Variants in GAL3ST3 observed in about 807,000 individuals in gnomAD.
GAL3ST3 encodes the protein galactose-3-O-sulfotransferase 3.
Under a neutral mutation model 20.8 loss-of-function variants are expected in GAL3ST3, and 21 were observed. The observed-to-expected ratio is 1.01, with a 90% CI of 0.72 to 1.45. The LOEUF (loss-of-function observed/expected upper bound fraction) is 1.45, where lower values mean the gene tolerates loss of function less well. GAL3ST3 is among the 40% of genes most tolerant of loss of function. The probability of loss-of-function intolerance (pLI) is 0.00; values close to 1 mark genes in which losing one functional copy is unlikely to be tolerated. For synonymous variants in GAL3ST3, 355 were observed against 307.2 expected (o/e 1.16, Z -1.63); for missense variants, 739 against 662.7 (o/e 1.12, Z -1.26).
rs753342146 is a variant in GAL3ST3 at position 66,045,363 on chromosome 11, C to T, written c.53G>A (p.Arg18Gln). The T allele has an allele frequency of 3.7e-6, 6 of 1,607,350 alleles. No homozygotes were observed. The highest frequency in any genetic ancestry group is 1.1e-5 in the South Asian group (1 of 90,084). ...CCCTAGCACCAGCAGCAGGATTTTC[C>T]GGCGGCTCATCATCTTGGTGGCCTG... ...LQQATKMMSR[R>Q]KILLLVLGCS... Residue 18 changes from arginine (R) to glutamine (Q), a missense_variant, in exon 2 of 3, where the codon CGG (arginine) becomes CAG (glutamine). Physicochemically the swap from Arg to Gln is conservative, Grantham distance 43. Coordinates refer to ENST00000312006, the MANE Select transcript of GAL3ST3 (RefSeq NM_033036.3).
In GAL3ST3 at chr11:66,042,767, C is replaced by T. The variant is rs2135017941; in HGVS notation, c.1036G>A (p.Ala346Thr). The change falls in exon 3 of 3, where the codon GCG becomes ACG. Residue 346 changes from alanine to threonine, a missense_variant. By Grantham distance (58) the Ala-to-Thr change is moderately conservative. Transcript: ENST00000312006. ...TGCAGCTGCTTGGTGCGGATCTGCG[C>T]GGCAGGCCGCAGCAGTGGCTCGTCC... ...FGDEPLLRPAAQIRTKQLQPW... is the reference protein window; with the variant it reads ...FGDEPLLRPATQIRTKQLQPW... 2 of 1,519,690 alleles carry T rather than the reference C, an allele frequency of 1.3e-6. No individual in the cohort carries two copies. The highest frequency in any genetic ancestry group is 1.2e-5 in the South Asian group (1 of 82,090). The allele number at this position is 1,519,690 out of a possible 1,614,324, so 94.1% of individuals were successfully genotyped here. A position where few individuals can be genotyped will look rare whatever the true frequency, so the allele number is the denominator to read the frequency against.
intron 1 of GAL3ST3, among the ~76,000 whole-genome samples, chr11:66,048,297 C>T (rs1856802675): frequency 6.6e-6 from 1 of 152,196 alleles, no homozygotes; most frequent in Non-Finnish European, 1.5e-5. Context: ...TAGCTTTTCT[C>T]CAGGGAACCA....
Position 66,043,421 on chromosome 11 carries a change from T to C in GAL3ST3, c.382A>G (p.Ser128Gly). The C allele has an allele frequency of 6.2e-7, 1 of 1,609,672 alleles. No homozygotes were observed. Among genetic ancestry groups the C allele is most frequent in the Non-Finnish European group, 8.5e-7 (1 of 1,178,302 alleles). ...TCCGCACGGTCGAAGCGCAGGTGGCTGGCCAGCACGTGCGGCGGCCGCGTG... is the reference window on the plus strand; with the variant it reads ...TCCGCACGGTCGAAGCGCAGGTGGCCGGCCAGCACGTGCGGCGGCCGCGTG... ...PATRPPHVLA[S>G]HLRFDRAELE... Residue 128 changes from serine to glycine, a missense_variant, in exon 3 of 3, where the codon AGC becomes GGC. By Grantham distance (56) the Ser-to-Gly change is moderately conservative. Coordinates refer to ENST00000312006, the MANE Select transcript of GAL3ST3 (RefSeq NM_033036.3).
rs143437851 is a variant in GAL3ST3, at chr11:66,041,219, C to T, written c.*1288G>A. ...TTCAGTTCCCTCACCTGGAAAACGG[C>T]ACCCATCTCCAAAGTTAACATACAT... On this transcript the variant is annotated 3_prime_UTR_variant, in exon 3 of 3. Transcript: ENST00000312006. Among the ~76,000 whole-genome samples, 533 of 152,298 alleles carry T rather than the reference C, an allele frequency of 3.5e-3. 4 individuals carry two copies. The highest frequency in any genetic ancestry group is 0.012 in the African/African-American group (500 of 41,564).
intron 2 of GAL3ST3, among the ~76,000 whole-genome samples, chr11:66,044,343 T>C (rs904593120): frequency 2.6e-5 from 4 of 152,192 alleles, no homozygotes; most frequent in African/African-American, 9.7e-5. Flanking sequence ...TTTAAGATAA[T>C]TTGTTTATGT....
intron 1 of GAL3ST3, among the ~76,000 whole-genome samples, chr11:66,047,566 A>G (rs1471690894): frequency 6.6e-6 from 1 of 152,176 alleles, no homozygotes; most frequent in Non-Finnish European, 1.5e-5. Flanking sequence ...GACAGGGGAC[A>G]GGGCATCCTC....
chr11:66,044,253 C>T (rs1045137579), intron 2 of GAL3ST3, among the ~76,000 whole-genome samples: 4 of 152,182 alleles, frequency 2.6e-5, no homozygotes, highest in Non-Finnish European at 5.9e-5. Context: ...CATGAAAGAC[C>T]TTGGTCCAGA....
Position 66,043,467 on chromosome 11 carries a change from C to T in GAL3ST3, c.336G>A (p.Ser112=), listed in dbSNP as rs761442206. Reference sequence around the variant, plus strand: ...GCGTGGCCGGGTGCACGAAGTGCGCCGAGAAGTTGCGGGGGTAGCAGAACT... The same window carrying T: ...GCGTGGCCGGGTGCACGAAGTGCGCTGAGAAGTTGCGGGGGTAGCAGAACT... ...EHQFCYPRNF[S]AHFVHPATRP... Residue 112 remains serine, a synonymous_variant, in exon 3 of 3, where the codon TCG becomes TCA. Transcript: ENST00000312006. 9.3e-6 allele frequency: 15 copies of T among 1,609,862 alleles called. No homozygotes were observed. In the Admixed American group the frequency reaches 2.0e-4, roughly 22 times the overall value.
chr11:66,043,184 A>G lies in GAL3ST3; in HGVS notation c.619T>C (p.Tyr207His). The G allele has an allele frequency of 5.0e-6, 8 of 1,612,146 alleles. No homozygotes were observed. The highest frequency in any genetic ancestry group is 6.8e-6 in the Non-Finnish European group (8 of 1,179,432). Reference sequence around the variant, plus strand: ...CGCTCATTGTCGCCGCCCAGGTCGTAGGCCAGCGTGTTGTGTGCGAACATG... The same window carrying G: ...CGCTCATTGTCGCCGCCCAGGTCGTGGGCCAGCGTGTTGTGTGCGAACATG... Reference protein sequence around the residue: ...FAMFAHNTLAYDLGGDNERSP... With the variant: ...FAMFAHNTLAHDLGGDNERSP... The change falls in exon 3 of 3, where the codon TAC becomes CAC. Residue 207 changes from tyrosine to histidine, a missense_variant. Tyr to His is a moderately conservative substitution (Grantham distance 83). Coordinates refer to ENST00000312006, the MANE Select transcript of GAL3ST3 (RefSeq NM_033036.3).
At position 66,043,040 on chromosome 11, in the gene GAL3ST3, G is replaced by C; in HGVS notation, c.763C>G (p.Leu255Val). The C allele has an allele frequency of 5.0e-6, 8 of 1,610,796 alleles. No individual in the cohort carries two copies. Among genetic ancestry groups the C allele is most frequent in the Middle Eastern group, 3.3e-4 (2 of 6,058 alleles). Residue 255 changes from leucine (L) to valine (V), a missense_variant, in exon 3 of 3, where the codon CTG becomes GTG. Transcript: ENST00000312006. Reference sequence around the variant, plus strand: ...AGCACGTCGTCCAGGTCCCAGGCCAGTAGGCGCCGCAGCAGCACTAGCGAC... The same window carrying C: ...AGCACGTCGTCCAGGTCCCAGGCCACTAGGCGCCGCAGCAGCACTAGCGAC... ...DESLVLLRRL[L>V]AWDLDDVLYA...
rs1012817728 is a variant in GAL3ST3 at position 66,042,759 on chromosome 11, G to A, written c.1044C>T (p.Ile348=). Residue 348 remains isoleucine (I), a synonymous_variant, in exon 3 of 3, where the codon ATC becomes ATT. Transcript: ENST00000312006. ...GCCACGGCTGCAGCTGCTTGGTGCG[G>A]ATCTGCGCGGCAGGCCGCAGCAGTG... ...DEPLLRPAAQ[I]RTKQLQPWQP... 4 of 1,529,376 alleles carry A rather than the reference G, an allele frequency of 2.6e-6. No individual in the cohort carries two copies. In the African/African-American group the frequency reaches 5.5e-5, roughly 21 times the overall value. The allele number at this position is 1,529,376 out of a possible 1,614,324, so 94.7% of individuals were successfully genotyped here.
In GAL3ST3 at chr11:66,041,795, C is replaced by T. The variant is rs914489098; in HGVS notation, c.*712G>A. 1.3e-5 allele frequency among the ~76,000 whole-genome samples: 2 copies of T among 152,190 alleles called. No individual in the cohort carries two copies. The highest frequency in any genetic ancestry group is 2.9e-5 in the Non-Finnish European group (2 of 68,030). On this transcript the variant is annotated 3_prime_UTR_variant, in exon 3 of 3. Coordinates refer to ENST00000312006, the MANE Select transcript of GAL3ST3 (RefSeq NM_033036.3). The stretch of plus-strand genomic sequence containing the variant: ...GGCCAGTCTGTGTTGGGGGCCCAGT[C>T]GGTCAAGCGGTTGAGGAGGGTTGTA...
intron 2 of GAL3ST3, among the ~76,000 whole-genome samples, chr11:66,044,797 C>G (rs1329169367): frequency 6.6e-6 from 1 of 152,210 alleles, no homozygotes; most frequent in African/African-American, 2.4e-5. Flanking sequence ...ACACCATTCT[C>G]AGGGGCAGAC....
chr11:66,042,338 C>T lies in GAL3ST3; in HGVS notation c.*169G>A. On this transcript the variant is annotated 3_prime_UTR_variant, in exon 3 of 3. Coordinates refer to ENST00000312006, the MANE Select transcript of GAL3ST3 (RefSeq NM_033036.3). Reference sequence around the variant, plus strand: ...GCCGTGCCCGAAGGCAAGGTTCAGCCCACGATCGGGAGCGGGGGCTCAGAT... The same window carrying T: ...GCCGTGCCCGAAGGCAAGGTTCAGCTCACGATCGGGAGCGGGGGCTCAGAT... 3.5e-6 allele frequency: 2 copies of T among 573,914 alleles called. No individual in the cohort carries two copies. Among genetic ancestry groups the T allele is most frequent in the Non-Finnish European group, 5.9e-6 (2 of 339,416 alleles). 35.6% of individuals were successfully genotyped at this position (573,914 alleles called of 1,614,324 possible). A position where few individuals can be genotyped will look rare whatever the true frequency, so the allele number is the denominator to read the frequency against.
rs1446900785 is a variant in GAL3ST3, at chr11:66,042,353, G to C, written c.*154C>G. 8.3e-6 allele frequency: 5 copies of C among 602,508 alleles called. No homozygotes were observed. Among genetic ancestry groups the C allele is most frequent in the Non-Finnish European group, 1.1e-5 (4 of 364,344 alleles). 37.3% of individuals were successfully genotyped at this position (602,508 alleles called of 1,614,324 possible). On this transcript the variant is annotated 3_prime_UTR_variant, in exon 3 of 3. Coordinates refer to ENST00000312006, the MANE Select transcript of GAL3ST3 (RefSeq NM_033036.3). The stretch of plus-strand genomic sequence containing the variant: ...AAGGTTCAGCCCACGATCGGGAGCG[G>C]GGGCTCAGATAGGGAGGCGTACCCC...
In GAL3ST3 at chr11:66,043,010, C is replaced by A; in HGVS notation, c.793G>T (p.Ala265Ser). ...CTGGCGGCGCGCGCGTTGAGCTTGG[C>A]GTAGAGCACGTCGTCCAGGTCCCAG... ...LAWDLDDVLYAKLNARAASSR... is the reference protein window; with the variant it reads ...LAWDLDDVLYSKLNARAASSR... The change falls in exon 3 of 3, where the codon GCC becomes TCC. Residue 265 changes from alanine to serine, a missense_variant. Physicochemically the swap from Ala to Ser is moderately conservative, Grantham distance 99 (BLOSUM62 1). Transcript: ENST00000312006. 1 of 1,607,916 alleles carries A rather than the reference C, an allele frequency of 6.2e-7. No homozygotes were observed. The highest frequency in any genetic ancestry group is 8.5e-7 in the Non-Finnish European group (1 of 1,178,474).
At position 66,041,029 on chromosome 11, in the gene GAL3ST3, G is replaced by A. The variant is rs1171794060; in HGVS notation, c.*1478C>T. On this transcript the variant is annotated 3_prime_UTR_variant, in exon 3 of 3. Coordinates refer to ENST00000312006, the MANE Select transcript of GAL3ST3 (RefSeq NM_033036.3). The stretch of plus-strand genomic sequence containing the variant: ...TGGTTCTTCCCTTTACATTCTTTTG[G>A]GGGAAGGTGCTGGGAATCAGCCTAG... 1.3e-5 allele frequency among the ~76,000 whole-genome samples: 2 copies of A among 152,150 alleles called. No individual in the cohort carries two copies. Among genetic ancestry groups the A allele is most frequent in the Non-Finnish European group, 2.9e-5 (2 of 68,040 alleles).
chr11:66,043,095 C>G lies in GAL3ST3; in HGVS notation c.708G>C (p.Ser236=). 6.2e-7 allele frequency: 1 copy of G among 1,611,968 alleles called. No homozygotes were observed. The highest frequency in any genetic ancestry group is 8.5e-7 in the Non-Finnish European group (1 of 1,179,440). ...CGAAGTACTCGGCGATCATGACGAGCGAGAAAACCTCCTCCACCTGGCGGA... is the reference window on the plus strand; with the variant it reads ...CGAAGTACTCGGCGATCATGACGAGGGAGAAAACCTCCTCCACCTGGCGGA... ...GLIRQVEEVF[S]LVMIAEYFDE... Residue 236 remains serine (S), a synonymous_variant, in exon 3 of 3, where the codon TCG becomes TCC. Transcript: ENST00000312006.
rs1856705243 is a variant in GAL3ST3, at chr11:66,041,633, G to A, written c.*874C>T. 1.3e-5 allele frequency among the ~76,000 whole-genome samples: 2 copies of A among 152,164 alleles called. No individual in the cohort carries two copies. Among genetic ancestry groups the A allele is most frequent in the African/African-American group, 4.8e-5 (2 of 41,438 alleles). Reference sequence around the variant, plus strand: ...TTACCTGTCTTGCTCCTGTTCCAATGTTTCCCCATAAGCTCCATGAAAATA... The same window carrying A: ...TTACCTGTCTTGCTCCTGTTCCAATATTTCCCCATAAGCTCCATGAAAATA... On this transcript the variant is annotated 3_prime_UTR_variant, in exon 3 of 3. Transcript: ENST00000312006.
Sources: gnomAD v4.1 joint callset for allele counts (sites outside exome capture counted in the v4.1 genomes callset) on GRCh38, gnomAD v4.1.1 for gene constraint, MANE v1.5 for transcripts, NCBI Gene and HGNC (gene_info 2026-07-23, HGNC 2026-07-21) for gene names.